Variants in TSPEAR observed in about 807,000 individuals in gnomAD.
TSPEAR encodes the protein thrombospondin-type laminin G domain and EAR repeat-containing protein.
In TSPEAR, 69 loss-of-function variants were observed where a neutral mutation model predicts 71.6. The observed-to-expected ratio is 0.96, with a 90% CI of 0.79 to 1.18. The LOEUF is 1.18. TSPEAR is among the 50% of genes most tolerant of loss of function. The probability of loss-of-function intolerance (pLI) is 0.00; values close to 1 mark genes in which losing one functional copy is unlikely to be tolerated. For missense variants in TSPEAR, 971 were observed against 894.9 expected, an observed-to-expected ratio of 1.09 and a Z score of -1.09; for synonymous variants, 402 against 387.2, an observed-to-expected ratio of 1.04 and a Z score of -0.45.
At chr21:44,664,654 C>T (rs1985658159) in intron 1 of TSPEAR, among the ~76,000 whole-genome samples, 1 of 152,234 alleles carries the variant, frequency 6.6e-6, no homozygotes, top group South Asian at 2.1e-4. Flanking sequence ...TAGCTGATTT[C>T]AAGACCTACT....
chr21:44,625,244 G>T (rs1368673442), intron 1 of TSPEAR, among the ~76,000 whole-genome samples: 2 of 152,124 alleles, frequency 1.3e-5, no homozygotes, highest in Non-Finnish European at 2.9e-5. Flanking sequence ...TGAAGAATGG[G>T]AGCTGAGCAC....
chr21:44,567,705 C>T lies in TSPEAR; in HGVS notation c.303+80G>A, dbSNP rs1555921899. On this transcript the variant is annotated intron_variant, in intron 2 of 11. Transcript: ENST00000323084. ...GTCCTTGACAAATGCCGCCCCTCAA[C>T]CTGTGCACGCGTTGGTACTGGGAAC... 2.4e-6 allele frequency: 3 copies of T among 1,252,438 alleles called. No individual in the cohort carries two copies. The African/African-American group carries it at 4.5e-5, about 19-fold the overall frequency. The allele number at this position is 1,252,438 out of a possible 1,614,324, so 77.6% of individuals were successfully genotyped here.
chr21:44,640,345 C>A (rs1321095522), intron 1 of TSPEAR, among the ~76,000 whole-genome samples: 1 of 152,206 alleles, frequency 6.6e-6, no homozygotes, highest in Non-Finnish European at 1.5e-5. Flanking sequence ...ACAGGCAAAT[C>A]CGCAGAGAAA....
At chr21:44,653,743 C>A (rs9983892) in intron 1 of TSPEAR, among the ~76,000 whole-genome samples, 104,982 of 152,062 alleles carry the variant, frequency 0.69, 36,448 homozygotes, top group South Asian at 0.75. Flanking sequence ...TGACCTCATA[C>A]ATTTAAGGAA....
chr21:44,551,357 G>C (rs2053430859), intron 2 of TSPEAR: 3 of 1,613,166 alleles, frequency 1.9e-6, no homozygotes, highest in Non-Finnish European at 2.5e-6. Flanking sequence ...CACAGCAGCT[G>C]GGGGTGCCGC....
intron 1 of TSPEAR, among the ~76,000 whole-genome samples, chr21:44,613,337 G>A (rs1202372880): frequency 6.6e-6 from 1 of 152,190 alleles, no homozygotes; most frequent in Admixed American, 6.5e-5. Context: ...ACTCCTCCAG[G>A]GGGTCACCAG....
rs751176809 is a variant in TSPEAR at position 44,579,576 on chromosome 21, G to C, written c.83-11571C>G. On this transcript the variant is annotated intron_variant, in intron 1 of 11. Coordinates refer to ENST00000323084, the MANE Select transcript of TSPEAR (RefSeq NM_144991.3). ...GACAGGGGACCCAACAGGCAGGTGG[G>C]CCCCTGCTGGGAGGCAGGAGCTGGG... 322 of 728,960 alleles carry C rather than the reference G, an allele frequency of 4.4e-4. 1 individual carries two copies. The highest frequency in any genetic ancestry group is 6.4e-4 in the Non-Finnish European group (293 of 456,042). 45.2% of individuals were successfully genotyped at this position (728,960 alleles called of 1,614,324 possible).
Position 44,690,370 on chromosome 21 carries a change from G to A in TSPEAR, c.82+21063C>T, listed in dbSNP as rs879669. Among the ~76,000 whole-genome samples the A allele has an allele frequency of 1.4e-3, 208 of 152,268 alleles. 4 individuals are homozygous for A. The East Asian group carries it at 0.037, about 27-fold the overall frequency. ...CCAAGTGATGCCAAGAAAAATGAACGGAAAAATCCTAGATATGTCCTCTGT... is the reference window on the plus strand; with the variant it reads ...CCAAGTGATGCCAAGAAAAATGAACAGAAAAATCCTAGATATGTCCTCTGT... On this transcript the variant is annotated intron_variant, in intron 1 of 11. Coordinates refer to ENST00000323084, the MANE Select transcript of TSPEAR (RefSeq NM_144991.3).
At chr21:44,627,126 C>A (rs782168577) in intron 1 of TSPEAR, 2 of 1,590,978 alleles carry the variant, frequency 1.3e-6, no homozygotes, top group East Asian at 2.2e-5. Flanking sequence ...GACACACTCA[C>A]ACACTCACTT....
chr21:44,598,841 G>A (rs1980548239), intron 1 of TSPEAR, among the ~76,000 whole-genome samples: 1 of 152,088 alleles, frequency 6.6e-6, no homozygotes, highest in Admixed American at 6.5e-5. Flanking sequence ...CATAGTTACT[G>A]TAGAGTAGGT....
At chr21:44,662,032 C>A (rs1985524474) in intron 1 of TSPEAR, among the ~76,000 whole-genome samples, 1 of 151,924 alleles carries the variant, frequency 6.6e-6, no homozygotes, top group South Asian at 2.1e-4. Context: ...AATACTAAAC[C>A]AAAAAGTGGC....
At chr21:44,603,559 C>T (rs921213896) in intron 1 of TSPEAR, among the ~76,000 whole-genome samples, 1 of 152,212 alleles carries the variant, frequency 6.6e-6, no homozygotes, top group African/African-American at 2.4e-5. Flanking sequence ...CCCCACGCCC[C>T]GGGTGTGAAC....
chr21:44,704,620 C>T (rs77948277), intron 1 of TSPEAR, among the ~76,000 whole-genome samples: 7 of 152,130 alleles, frequency 4.6e-5, no homozygotes, highest in African/African-American at 1.2e-4. Flanking sequence ...GGTCTTTCCA[C>T]GAAGGCTTGG....
chr21:44,675,743 T>C (rs190071948), intron 1 of TSPEAR: 8 of 462,122 alleles, frequency 1.7e-5, no homozygotes. Context: ...GGTGTTAACA[T>C]TTAGAACAGT....
intron 9 of TSPEAR, among the ~76,000 whole-genome samples, chr21:44,515,050 C>T (rs1465785331): frequency 1.3e-5 from 2 of 152,216 alleles, no homozygotes; most frequent in African/African-American, 2.4e-5. Context: ...CAGACCCCTC[C>T]AGAAAGGGCG....
intron 10 of TSPEAR, among the ~76,000 whole-genome samples, chr21:44,505,610 TTC>T (rs1348924736): frequency 6.8e-5 from 4 of 59,034 alleles, no homozygotes. Context: ...CCACGCCACT[TTC>T]TGTCTCTATG....
At chr21:44,617,740 T>C (rs1982197118) in intron 1 of TSPEAR, among the ~76,000 whole-genome samples, 1 of 152,256 alleles carries the variant, frequency 6.6e-6, no homozygotes, top group African/African-American at 2.4e-5. Context: ...AGCTGCGCAG[T>C]GTTCCAAAGC....
At chr21:44,505,109 C>T (rs587680099) in intron 10 of TSPEAR, among the ~76,000 whole-genome samples, 15 of 152,286 alleles carry the variant, frequency 9.8e-5, no homozygotes, top group Admixed American at 7.8e-4. Context: ...GATGGAGTCT[C>T]ATTCTGTCAC....
chr21:44,663,264 G>A (rs1985592750), intron 1 of TSPEAR, among the ~76,000 whole-genome samples: 2 of 151,920 alleles, frequency 1.3e-5, no homozygotes, highest in South Asian at 4.1e-4. Context: ...AATATTAGGA[G>A]TGAAGAAGAG....
Sources: gnomAD v4.1 joint callset for allele counts (sites outside exome capture counted in the v4.1 genomes callset) on GRCh38, gnomAD v4.1.1 for gene constraint, MANE v1.5 for transcripts, NCBI Gene and HGNC (gene_info 2026-07-23, HGNC 2026-07-21) for gene names.